The following PTPRE variants were observed in gnomAD, a reference collection of about 807,000 sequenced individuals.
The protein encoded by PTPRE is protein tyrosine phosphatase receptor type E.
PTPRE carries 51 observed loss-of-function variants against 102.0 expected under a neutral mutation model. The observed-to-expected ratio is 0.50, with a 90% CI of 0.40 to 0.63. PTPRE has a LOEUF of 0.63. Among genes scored for constraint, PTPRE ranks in the 30% least tolerant of loss-of-function variants. The pLI, the probability that PTPRE is intolerant of heterozygous loss-of-function variation, is 0.00. For missense variants in PTPRE, 752 were observed against 915.1 expected (o/e 0.82, Z 2.30); for synonymous variants, 345 against 348.2 (o/e 0.99, Z 0.10).
chr10:127,966,213 G>A (rs530344706), intron 1 of PTPRE, among the ~76,000 whole-genome samples: 1 of 152,280 alleles, frequency 6.6e-6, no homozygotes, highest in Admixed American at 6.5e-5. Flanking sequence ...TTCTGCCTCT[G>A]GGACCCCCTA....
intron 1 of PTPRE, among the ~76,000 whole-genome samples, chr10:127,960,622 T>C (rs980106933): frequency 2.6e-5 from 4 of 152,188 alleles, no homozygotes; most frequent in Non-Finnish European, 5.9e-5. Context: ...TTGGTCTGAG[T>C]CATCTTGGAC....
chr10:127,911,236 T>C (rs1337847080), intron 1 of PTPRE, among the ~76,000 whole-genome samples: 1 of 152,224 alleles, frequency 6.6e-6, no homozygotes, highest in African/African-American at 2.4e-5. Flanking sequence ...ATCTAAATGA[T>C]TATTATGTAA....
At chr10:127,938,926 A>G (rs545204470) in intron 1 of PTPRE, among the ~76,000 whole-genome samples, 1 of 152,306 alleles carries the variant, frequency 6.6e-6, no homozygotes, top group African/African-American at 2.4e-5. Context: ...GTGTGTTACC[A>G]GATCTTCGCT....
chr10:127,950,177 C>T (rs376576463), intron 1 of PTPRE, among the ~76,000 whole-genome samples: 138 of 151,960 alleles, frequency 9.1e-4, no homozygotes, highest in African/African-American at 2.8e-3. Context: ...AGCAGAAATT[C>T]GGGGAACATG....
intron 1 of PTPRE, among the ~76,000 whole-genome samples, chr10:127,924,780 CAA>C (rs1846885681): frequency 6.6e-6 from 1 of 152,188 alleles, no homozygotes; most frequent in African/African-American, 2.4e-5. Flanking sequence ...ATCTTTTCTG[CAA>C]AGTCTCAATA....
intron 2 of PTPRE, among the ~76,000 whole-genome samples, chr10:127,991,447 A>G (rs1018698041): frequency 2.0e-5 from 3 of 152,194 alleles, no homozygotes; most frequent in Admixed American, 6.5e-5. Flanking sequence ...TGTTTGAGAC[A>G]AGGAGGCATG....
intron 6 of PTPRE, among the ~76,000 whole-genome samples, chr10:128,052,129 C>A (rs531460138): frequency 1.3e-5 from 2 of 152,174 alleles, no homozygotes; most frequent in Non-Finnish European, 2.9e-5. Context: ...CCTGAGTCCA[C>A]GTTGATGCAG....
At chr10:127,969,291 T>C (rs10764730) in intron 1 of PTPRE, among the ~76,000 whole-genome samples, 48,209 of 152,108 alleles carry the variant, frequency 0.32, 8,683 homozygotes, top group South Asian at 0.46. Flanking sequence ...ATTCACTCCA[T>C]ACAGTGCTGT....
chr10:128,011,246 T>TGA (rs1400096352), intron 2 of PTPRE, among the ~76,000 whole-genome samples: 1 of 152,222 alleles, frequency 6.6e-6, no homozygotes, highest in East Asian at 1.9e-4. Flanking sequence ...GGTGTGAGGA[T>TGA]GACTTTTGGG....
rs1414786992 is a variant in PTPRE, at chr10:128,015,602, G to A, written c.-7-25273G>A. Among the ~76,000 whole-genome samples the A allele has an allele frequency of 1.8e-4, 28 of 152,118 alleles. 2 individuals carry two copies. The highest frequency in any genetic ancestry group is 4.0e-4 in the Non-Finnish European group (27 of 68,022). On this transcript the variant is annotated intron_variant, in intron 2 of 20. Transcript: ENST00000254667. ...AGGATGGTCTTGATCTCCTGACTTC[G>A]TGATCCACCCGCCTCAGCCTCCCAA...
chr10:127,947,142 A>C (rs1251821115), intron 1 of PTPRE, among the ~76,000 whole-genome samples: 1 of 150,234 alleles, frequency 6.7e-6, no homozygotes, highest in Non-Finnish European at 1.5e-5. Context: ...ATAGCACTTC[A>C]GTTTGACTTT....
intron 1 of PTPRE, among the ~76,000 whole-genome samples, chr10:127,952,415 G>T (rs951510971): frequency 7.9e-6 from 1 of 126,990 alleles, no homozygotes; most frequent in African/African-American, 3.0e-5. Flanking sequence ...CTGCAAAATA[G>T]CTCCCTTTTT....
chr10:127,945,715 T>C (rs1314586937), intron 1 of PTPRE, among the ~76,000 whole-genome samples: 1 of 152,010 alleles, frequency 6.6e-6, no homozygotes, highest in East Asian at 1.9e-4. Flanking sequence ...GGCCAACAGG[T>C]CATTTGGTTT....
intron 1 of PTPRE, among the ~76,000 whole-genome samples, chr10:127,930,002 C>T (rs1369625405): frequency 7.1e-6 from 1 of 140,326 alleles, no homozygotes; most frequent in African/African-American, 2.7e-5. Flanking sequence ...GTGAAGGTTG[C>T]AGTGAGCCGA....
At chr10:127,945,439 G>C (rs1045542953) in intron 1 of PTPRE, among the ~76,000 whole-genome samples, 1 of 152,204 alleles carries the variant, frequency 6.6e-6, no homozygotes, top group Non-Finnish European at 1.5e-5. Context: ...GTGTCTTACT[G>C]TCTGCTCTGG....
At chr10:128,017,063 G>C (rs929113263) in intron 2 of PTPRE, among the ~76,000 whole-genome samples, 1 of 152,116 alleles carries the variant, frequency 6.6e-6, no homozygotes, top group Non-Finnish European at 1.5e-5. Flanking sequence ...TGCTGTATGC[G>C]AGTCAGACTG....
chr10:127,983,508 G>A (rs1028369909), intron 2 of PTPRE, among the ~76,000 whole-genome samples: 5 of 152,166 alleles, frequency 3.3e-5, no homozygotes, highest in Non-Finnish European at 7.4e-5. Context: ...GATAGCCTCA[G>A]AATCCTATAC....
At chr10:127,950,951 G>C (rs1848975201) in intron 1 of PTPRE, among the ~76,000 whole-genome samples, 1 of 152,028 alleles carries the variant, frequency 6.6e-6, no homozygotes, top group African/African-American at 2.4e-5. Flanking sequence ...AAAAAAATTA[G>C]CCGGGCATCG....
At chr10:127,952,298 G>A (rs563857510) in intron 1 of PTPRE, among the ~76,000 whole-genome samples, 1 of 152,214 alleles carries the variant, frequency 6.6e-6, no homozygotes, top group East Asian at 1.9e-4. Flanking sequence ...ATATGCCCCT[G>A]CTTAGATAGC....
Sources: allele counts gnomAD v4.1 joint callset (sites outside exome capture counted in the v4.1 genomes callset), GRCh38; gene constraint gnomAD v4.1.1; transcripts MANE v1.5; gene names NCBI Gene and HGNC (gene_info 2026-07-23, HGNC 2026-07-21).